The following ERBB4 variants were observed in gnomAD, a reference collection of about 807,000 sequenced individuals.
The protein encoded by ERBB4 is receptor tyrosine-protein kinase erbB-4.
In ERBB4, 42 loss-of-function variants were observed where a neutral mutation model predicts 158.0. That is an observed-to-expected ratio of 0.27 (90% CI 0.21 to 0.34). ERBB4 has a LOEUF of 0.34. ERBB4 is among the 10% of genes least tolerant of loss of function. The pLI is 1.00. For synonymous variants in ERBB4, 583 were observed against 558.7 expected, an observed-to-expected ratio of 1.04 and a Z score of -0.61; for missense variants, 1,333 against 1,624.1, an observed-to-expected ratio of 0.82 and a Z score of 3.08.
intron 2 of ERBB4, among the ~76,000 whole-genome samples, chr2:212,043,400 T>C (rs931328511): frequency 1.3e-5 from 2 of 152,122 alleles, no homozygotes; most frequent in African/African-American, 2.4e-5. Flanking sequence ...TATCTAACCA[T>C]TAATAAATGA....
chr2:211,773,650 T>TATATATATATATA (rs2075795484), intron 4 of ERBB4, among the ~76,000 whole-genome samples: 2 of 99,036 alleles, frequency 2.0e-5, no homozygotes, highest in Admixed American at 1.1e-4. Context: ...ATATATATAA[T>TATATATATATATA]ATATATACAC....
intron 1 of ERBB4, among the ~76,000 whole-genome samples, chr2:212,343,216 C>T (rs2088808699): frequency 6.6e-6 from 1 of 152,134 alleles, no homozygotes. Flanking sequence ...ACTAATAATA[C>T]TCTTGAAACT....
intron 12 of ERBB4, among the ~76,000 whole-genome samples, chr2:211,682,774 C>T (rs575434912): frequency 1.3e-5 from 2 of 152,196 alleles, no homozygotes; most frequent in Non-Finnish European, 2.9e-5. Flanking sequence ...TATTTGAAGT[C>T]CATGTCTTGT....
intron 19 of ERBB4, among the ~76,000 whole-genome samples, chr2:211,591,704 T>G (rs1253801705): frequency 6.6e-6 from 1 of 152,234 alleles, no homozygotes; most frequent in Non-Finnish European, 1.5e-5. Flanking sequence ...GAGAGTCTCT[T>G]AAAGCTTTGT....
chr2:212,039,429 C>T (rs113468044), intron 2 of ERBB4, among the ~76,000 whole-genome samples: 1,989 of 152,224 alleles, frequency 0.013, 22 homozygotes, highest in Middle Eastern at 0.027. Context: ...CTTTACATGG[C>T]TACATTTTGC....
intron 3 of ERBB4, among the ~76,000 whole-genome samples, chr2:211,889,757 A>C (rs1041576048): frequency 6.6e-6 from 1 of 151,708 alleles, no homozygotes; most frequent in African/African-American, 2.4e-5. Context: ...TACGTGAAGA[A>C]TGCAGAAGCC....
At chr2:212,121,441 C>T (rs1422790430) in intron 2 of ERBB4, among the ~76,000 whole-genome samples, 1 of 152,106 alleles carries the variant, frequency 6.6e-6, no homozygotes, top group Non-Finnish European at 1.5e-5. Flanking sequence ...TCAAACTCCT[C>T]AAGTGATCTG....
chr2:212,004,194 T>G (rs2076207876), intron 2 of ERBB4, among the ~76,000 whole-genome samples: 1 of 152,196 alleles, frequency 6.6e-6, no homozygotes, highest in Non-Finnish European at 1.5e-5. Flanking sequence ...TCAAGGAAAC[T>G]ATTCACAATA....
At chr2:211,619,857 A>G (rs1265609918) in intron 18 of ERBB4, among the ~76,000 whole-genome samples, 2 of 152,198 alleles carry the variant, frequency 1.3e-5, no homozygotes, top group African/African-American at 2.4e-5. Context: ...TATTGAGCAC[A>G]TATTAATTTG....
intron 1 of ERBB4, among the ~76,000 whole-genome samples, chr2:212,244,502 C>T (rs1470724141): frequency 1.3e-5 from 2 of 152,124 alleles, no homozygotes; most frequent in African/African-American, 4.8e-5. Context: ...AAAGTAATTT[C>T]TGCTTTACAA....
At chr2:212,129,323 C>G (rs2080036496) in intron 1 of ERBB4, among the ~76,000 whole-genome samples, 9 of 151,462 alleles carry the variant, frequency 5.9e-5, no homozygotes, top group African/African-American at 1.7e-4. Context: ...GAAGCTTAAA[C>G]AACCTTTGAG....
chr2:211,845,973 C>T (rs1440372861), intron 3 of ERBB4, among the ~76,000 whole-genome samples: 7 of 151,418 alleles, frequency 4.6e-5, no homozygotes, highest in African/African-American at 7.3e-5. Flanking sequence ...ACTTAAGAAA[C>T]GAAAAGAAAG....
At chr2:211,846,052 G>GTTTTTTTTTTTTTT (rs5838288) in intron 3 of ERBB4, among the ~76,000 whole-genome samples, 1 of 145,666 alleles carries the variant, frequency 6.9e-6, no homozygotes, top group Non-Finnish European at 1.5e-5. Context: ...GTTAATTGTT[G>GTTTTTTTTTTTTTT]TTTTTTTTTT....
At chr2:212,182,270 G>T (rs2081892006) in intron 1 of ERBB4, among the ~76,000 whole-genome samples, 1 of 151,792 alleles carries the variant, frequency 6.6e-6, no homozygotes, top group African/African-American at 2.4e-5. Context: ...CTTGTCCCAG[G>T]TCATTTGCAA....
intron 1 of ERBB4, among the ~76,000 whole-genome samples, chr2:212,180,587 C>T (rs920673412): frequency 4.0e-5 from 6 of 151,600 alleles, no homozygotes; most frequent in African/African-American, 1.4e-4. Context: ...TAATCAGAAA[C>T]AAAGCATTAT....
At chr2:211,924,820 G>C (rs889585209) in intron 3 of ERBB4, among the ~76,000 whole-genome samples, 1 of 152,094 alleles carries the variant, frequency 6.6e-6, no homozygotes, top group Non-Finnish European at 1.5e-5. Context: ...AATCAAAAAT[G>C]ATCTTAACCA....
chr2:212,195,191 A>G (rs548859895), intron 1 of ERBB4, among the ~76,000 whole-genome samples: 1 of 152,112 alleles, frequency 6.6e-6, no homozygotes, highest in African/African-American at 2.4e-5. Flanking sequence ...TGTCAGAACA[A>G]ATTATAAATT....
chr2:211,853,630 T>C (rs1289508503), intron 3 of ERBB4, among the ~76,000 whole-genome samples: 1 of 152,058 alleles, frequency 6.6e-6, no homozygotes, highest in Non-Finnish European at 1.5e-5. Context: ...CAAAATTAGT[T>C]ATTGACTGCT....
At chr2:211,765,353 G>A (rs1279475995) in intron 4 of ERBB4, among the ~76,000 whole-genome samples, 4 of 152,116 alleles carry the variant, frequency 2.6e-5, no homozygotes, top group Admixed American at 2.6e-4. Context: ...GGAGGGATAG[G>A]AAGAGAGGAG....
Sources: allele counts gnomAD v4.1 joint callset (sites outside exome capture counted in the v4.1 genomes callset), GRCh38; gene constraint gnomAD v4.1.1; transcripts MANE v1.5; gene names NCBI Gene and HGNC (gene_info 2026-07-23, HGNC 2026-07-21).